GLS: variants seen among roughly 807,000 people sequenced by gnomAD.
GLS encodes glutaminase kidney isoform, mitochondrial.
In GLS, 36 loss-of-function variants were observed where a neutral mutation model predicts 86.7. The observed-to-expected ratio is 0.42, with a 90% CI of 0.32 to 0.55. GLS has a LOEUF of 0.55. Ranked by LOEUF, GLS falls within the 20% of genes least tolerant of loss-of-function variation. The probability of loss-of-function intolerance (pLI) is 0.17; values close to 1 mark genes in which losing one functional copy is unlikely to be tolerated. For synonymous variants in GLS, 317 were observed against 305.9 expected, an observed-to-expected ratio of 1.04 and a Z score of -0.38; for missense variants, 528 against 833.4, an observed-to-expected ratio of 0.63 and a Z score of 4.51.
intron 17 of GLS, among the ~76,000 whole-genome samples, chr2:190,958,732 AG>A (rs1313740629): frequency 6.6e-6 from 1 of 152,160 alleles, no homozygotes; most frequent in Non-Finnish European, 1.5e-5. Flanking sequence ...TACAGTTTTG[AG>A]TGAGTTTGTT....
In GLS at chr2:190,930,300, T is replaced by C; in HGVS notation, c.1426-137T>C. 1 of 635,252 alleles carries C rather than the reference T, an allele frequency of 1.6e-6. No individual in the cohort carries two copies. Among genetic ancestry groups the C allele is most frequent in the Admixed American group, 2.8e-5 (1 of 35,354 alleles). 39.4% of individuals were successfully genotyped at this position (635,252 alleles called of 1,614,324 possible). On this transcript the variant is annotated intron_variant, in intron 12 of 17. Transcript: ENST00000320717. This position sits in a 1 kb window ranked among gnomAD's most constrained non-coding sequence, Gnocchi z 5.0. ...CTCCAACTCCTGGGCTCAAGTGATCTGCTTGCCTTGGCCTCCCAAAGTGCT... is the reference window on the plus strand; with the variant it reads ...CTCCAACTCCTGGGCTCAAGTGATCCGCTTGCCTTGGCCTCCCAAAGTGCT...
intron 14 of GLS, among the ~76,000 whole-genome samples, chr2:190,942,217 T>C (rs1239462591): frequency 2.6e-5 from 4 of 151,376 alleles, no homozygotes; most frequent in South Asian, 2.1e-4. Context: ...GTAGCTGGGA[T>C]TACAGGGGCC....
At chr2:190,959,718 T>C (rs1690955232) in intron 17 of GLS, among the ~76,000 whole-genome samples, 1 of 152,212 alleles carries the variant, frequency 6.6e-6, no homozygotes, top group Admixed American at 6.5e-5. Context: ...TCGACATTTA[T>C]GCAGCCTGAT....
At chr2:190,933,695 C>T in intron 14 of GLS, 5 of 935,708 alleles carry the variant, frequency 5.3e-6, no homozygotes, top group Non-Finnish European at 6.4e-6. Flanking sequence ...ATATTATCCA[C>T]ATAACTTTTT....
chr2:190,887,693 A>G (rs1226789335), intron 1 of GLS, among the ~76,000 whole-genome samples: 1 of 152,172 alleles, frequency 6.6e-6, no homozygotes, highest in Non-Finnish European at 1.5e-5. Flanking sequence ...TTAGGAATCT[A>G]AGTTCACAAA....
chr2:190,922,274 A>C (rs1689761074), intron 9 of GLS, among the ~76,000 whole-genome samples: 1 of 152,134 alleles, frequency 6.6e-6, no homozygotes, highest in Non-Finnish European at 1.5e-5. Flanking sequence ...AAACACTATA[A>C]TGTTAAACGT....
At chr2:190,885,396 G>T (rs528399979) in intron 1 of GLS, among the ~76,000 whole-genome samples, 1 of 152,252 alleles carries the variant, frequency 6.6e-6, no homozygotes, top group East Asian at 1.9e-4. Flanking sequence ...CACCATGTTG[G>T]CTGGGCTGGT....
intron 14 of GLS, among the ~76,000 whole-genome samples, chr2:190,940,761 T>A (rs1690402908): frequency 6.6e-6 from 1 of 151,892 alleles, no homozygotes; most frequent in African/African-American, 2.4e-5. Flanking sequence ...TTTTAATGCC[T>A]TCTAAATAGG....
chr2:190,927,297 T>C lies in GLS; in HGVS notation c.1249-9T>C, dbSNP rs1689930942. 1 of 1,584,044 alleles carries C rather than the reference T, an allele frequency of 6.3e-7. No homozygotes were observed. Among genetic ancestry groups the C allele is most frequent in the African/African-American group, 1.4e-5 (1 of 72,974 alleles). On this transcript the variant is annotated splice_polypyrimidine_tract_variant and intron_variant, in intron 11 of 17. Transcript: ENST00000320717. ...GTAGTATGAGAATTCTGCTTTTTCTTTGTGTTAGCTGTGCTCCATTGAAGT... is the reference window on the plus strand; with the variant it reads ...GTAGTATGAGAATTCTGCTTTTTCTCTGTGTTAGCTGTGCTCCATTGAAGT...
rs1690619934 is a variant in GLS, at chr2:190,947,974, T to C, written c.1651-5591T>C. ...AATACTCCATCTGTTGTCTCAAAAGTGTTAAACTAGTTTCATTTTCTTTTG... is the reference window on the plus strand; with the variant it reads ...AATACTCCATCTGTTGTCTCAAAAGCGTTAAACTAGTTTCATTTTCTTTTG... On this transcript the variant is annotated intron_variant, in intron 14 of 17. Transcript: ENST00000320717. The surrounding 1 kb of genome is among the most constrained non-coding windows in gnomAD (Gnocchi z 5.0). 6.6e-6 allele frequency among the ~76,000 whole-genome samples: 1 copy of C among 152,210 alleles called. No individual in the cohort carries two copies.
chr2:190,901,202 A>G lies in GLS; in HGVS notation c.735+509A>G, dbSNP rs529353612. ...CTGAGTATAACTTTTGACTCCCTTA[A>G]AACTTAACTACTTATAACTACTGTT... On this transcript the variant is annotated intron_variant, in intron 4 of 17. Transcript: ENST00000320717. Among the ~76,000 whole-genome samples the G allele has an allele frequency of 5.9e-5, 9 of 152,196 alleles. 1 individual carries two copies. In the South Asian group the frequency reaches 1.9e-3, roughly 32 times the overall value.
Position 190,905,011 on chromosome 2 carries a change from A to G in GLS, c.823A>G (p.Thr275Ala), listed in dbSNP as rs374777663. Residue 275 changes from threonine to alanine, a missense_variant, in exon 6 of 18, where the codon ACT (threonine) becomes GCT (alanine). Physicochemically the swap from Thr to Ala is moderately conservative, Grantham distance 58. This residue lies in a region of GLS where 111 missense variants were observed against 179.5 expected (regional missense o/e 0.62). Transcript: ENST00000320717. The surrounding 1 kb of genome is among the most constrained non-coding windows in gnomAD (Gnocchi z 4.6). Reference sequence around the variant, plus strand: ...AAATCTCCTTTTAAATAGGCATTCTACTGGAGATACCAAAGTTCCCTTCTG... The same window carrying G: ...AAATCTCCTTTTAAATAGGCATTCTGCTGGAGATACCAAAGTTCCCTTCTG... ...VCTVDGQRHS[T>A]GDTKVPFCLQ... 13 of 1,576,416 alleles carry G rather than the reference A, an allele frequency of 8.2e-6. No individual in the cohort carries two copies. The highest frequency in any genetic ancestry group is 6.7e-5 in the South Asian group (6 of 89,748).
chr2:190,957,922 A>T (rs1221797416), intron 17 of GLS, among the ~76,000 whole-genome samples: 1 of 152,222 alleles, frequency 6.6e-6, no homozygotes, highest in East Asian at 1.9e-4. Flanking sequence ...CTGGCCTCAT[A>T]AAATGAGTTA....
chr2:190,902,761 G>GA (rs1244321428), intron 5 of GLS, among the ~76,000 whole-genome samples: 1 of 152,086 alleles, frequency 6.6e-6, no homozygotes, highest in Non-Finnish European at 1.5e-5. Flanking sequence ...GGTTTTATTA[G>GA]AAAATTACGC....
rs1691025804 is a variant in GLS at position 190,962,486 on chromosome 2, T to C, written c.1854-344T>C. Among the ~76,000 whole-genome samples, 1 of 152,210 alleles carries C rather than the reference T, an allele frequency of 6.6e-6. No individual in the cohort carries two copies. The highest frequency in any genetic ancestry group is 1.5e-5 in the Non-Finnish European group (1 of 68,040). On this transcript the variant is annotated intron_variant, in intron 17 of 17. Transcript: ENST00000320717. The surrounding 1 kb of genome is among the most constrained non-coding windows in gnomAD (Gnocchi z 4.2). The stretch of plus-strand genomic sequence containing the variant: ...AACATTTTATTTTAAAAGAGATACT[T>C]TGGGCTTTTCATGAAACTAAAATTC...
rs1690607039 is a variant in GLS, at chr2:190,947,527, A to G, written c.1651-6038A>G. Among the ~76,000 whole-genome samples, 1 of 152,214 alleles carries G rather than the reference A, an allele frequency of 6.6e-6. No individual in the cohort carries two copies. The highest frequency in any genetic ancestry group is 6.5e-5 in the Admixed American group (1 of 15,274). On this transcript the variant is annotated intron_variant, in intron 14 of 17. Transcript: ENST00000320717. The surrounding 1 kb of genome is among the most constrained non-coding windows in gnomAD (Gnocchi z 5.0). ...TTTTAATGGCTCTCTGCCCAGGTGC[A>G]GTGTCTCTTTGCCATGGGGAGGTAT...
In GLS at chr2:190,930,698, G is replaced by T; in HGVS notation, c.1557+130G>T. On this transcript the variant is annotated intron_variant, in intron 13 of 17. Transcript: ENST00000320717. The surrounding 1 kb of genome is among the most constrained non-coding windows in gnomAD (Gnocchi z 5.0). ...CCTATAGTGTGCCAGTTACTAGGGA[G>T]CCGTGGAAATACTCCCAGAGGAGCT... 1 of 738,636 alleles carries T rather than the reference G, an allele frequency of 1.4e-6. No homozygotes were observed. The highest frequency in any genetic ancestry group is 2.1e-6 in the Non-Finnish European group (1 of 469,348). The allele number at this position is 738,636 out of a possible 1,614,324, so 45.8% of individuals were successfully genotyped here.
chr2:190,890,189 C>A (rs559734444), intron 1 of GLS, among the ~76,000 whole-genome samples: 1 of 152,120 alleles, frequency 6.6e-6, no homozygotes, highest in East Asian at 1.9e-4. Context: ...TTAACATTTT[C>A]TTTCTTTTTT....
At chr2:190,927,132 T>G (rs1414906670) in intron 11 of GLS, 174 bp from the exon 12 acceptor site, 1 of 539,566 alleles carries the variant, frequency 1.9e-6, no homozygotes, top group Admixed American at 3.7e-5. Context: ...ATCTTAAAAG[T>G]GGGTAGGACT....
Sources: allele counts gnomAD v4.1 joint callset (sites outside exome capture counted in the v4.1 genomes callset), GRCh38; gene constraint gnomAD v4.1.1; regional missense constraint gnomAD v4.1.1; non-coding constraint Gnocchi (gnomAD v3.1); transcripts MANE v1.5; gene names NCBI Gene and HGNC (gene_info 2026-07-23, HGNC 2026-07-21).